The following NELL1 variants were observed in gnomAD, a reference collection of about 807,000 sequenced individuals.
The protein encoded by NELL1 is protein kinase C-binding protein NELL1.
Under a neutral mutation model 107.4 loss-of-function variants are expected in NELL1, and 76 were observed. The ratio of observed to expected loss-of-function variants is 0.71; its 90% CI spans 0.59 to 0.86. The LOEUF is 0.86. Among genes scored for constraint, NELL1 ranks in the 40% least tolerant of loss-of-function variants. The pLI is 0.00. For missense variants in NELL1, 1,024 were observed against 1,005.5 expected, an observed-to-expected ratio of 1.02 and a Z score of -0.25; for synonymous variants, 353 against 341.2, an observed-to-expected ratio of 1.03 and a Z score of -0.38.
chr11:21,035,970 C>T (rs1590567027), intron 12 of NELL1, among the ~76,000 whole-genome samples: 1 of 152,006 alleles, frequency 6.6e-6, no homozygotes, highest in East Asian at 1.9e-4. Context: ...ACTACATGAT[C>T]TTGTAAGTAG....
At chr11:21,367,457 A>C (rs997408705) in intron 14 of NELL1, among the ~76,000 whole-genome samples, 13 of 151,758 alleles carry the variant, frequency 8.6e-5, no homozygotes, top group Admixed American at 7.3e-4. Flanking sequence ...AAGGGCACTA[A>C]GTTAAGGAAG....
chr11:21,332,362 G>C (rs1850290848), intron 14 of NELL1, among the ~76,000 whole-genome samples: 1 of 151,834 alleles, frequency 6.6e-6, no homozygotes, highest in South Asian at 2.1e-4. Flanking sequence ...ATTGTCTCCT[G>C]ATTGCAGCAA....
intron 2 of NELL1, among the ~76,000 whole-genome samples, chr11:20,765,558 T>G (rs1856511937): frequency 6.6e-6 from 1 of 151,962 alleles, no homozygotes; most frequent in African/African-American, 2.4e-5. Context: ...GAAGCCTGAG[T>G]GATGAATGGC....
intron 2 of NELL1, among the ~76,000 whole-genome samples, chr11:20,726,802 T>A (rs906936055): frequency 8.1e-5 from 12 of 148,470 alleles, no homozygotes; most frequent in Non-Finnish European, 1.5e-4. Flanking sequence ...TGTGTCCAAG[T>A]GTTCTCATTG....
At chr11:20,793,573 C>G (rs1857115025) in intron 3 of NELL1, among the ~76,000 whole-genome samples, 1 of 151,962 alleles carries the variant, frequency 6.6e-6, no homozygotes, top group African/African-American at 2.4e-5. Flanking sequence ...GTTCATTTGT[C>G]TTCAGTATTT....
chr11:20,967,522 C>T (rs1201812048), intron 12 of NELL1, among the ~76,000 whole-genome samples: 1 of 152,160 alleles, frequency 6.6e-6, no homozygotes, highest in Non-Finnish European at 1.5e-5. Flanking sequence ...GGTACATCCA[C>T]TTAGTTGCTC....
At chr11:21,146,791 C>T (rs1397817659) in intron 13 of NELL1, among the ~76,000 whole-genome samples, 2 of 139,802 alleles carry the variant, frequency 1.4e-5, no homozygotes, top group Non-Finnish European at 3.2e-5. Context: ...GCCTGTAATC[C>T]CAGCACTTTT....
intron 4 of NELL1, among the ~76,000 whole-genome samples, chr11:20,863,936 T>C (rs1227230417): frequency 6.6e-6 from 1 of 151,982 alleles, no homozygotes; most frequent in Non-Finnish European, 1.5e-5. Flanking sequence ...TGAAACCCCG[T>C]CTCCACCAAA....
chr11:21,226,056 G>A (rs1017558990), intron 13 of NELL1, among the ~76,000 whole-genome samples: 1 of 152,130 alleles, frequency 6.6e-6, no homozygotes, highest in African/African-American at 2.4e-5. Context: ...GCAATCACTT[G>A]TCATATCTTT....
chr11:21,138,727 C>T (rs1855798616), intron 13 of NELL1, among the ~76,000 whole-genome samples: 1 of 152,116 alleles, frequency 6.6e-6, no homozygotes, highest in Admixed American at 6.6e-5. Context: ...AATCAAATAA[C>T]TTGATTGTTC....
intron 14 of NELL1, among the ~76,000 whole-genome samples, chr11:21,293,811 T>C (rs540078170): frequency 2.0e-5 from 3 of 152,196 alleles, no homozygotes; most frequent in African/African-American, 7.2e-5. Context: ...ACCATAATTC[T>C]CAGCAAACTA....
intron 15 of NELL1, among the ~76,000 whole-genome samples, chr11:21,513,781 A>G (rs187035148): frequency 2.0e-5 from 3 of 152,274 alleles, no homozygotes; most frequent in African/African-American, 7.2e-5. Flanking sequence ...TGATGAAGAA[A>G]CTGAGACTGA....
At chr11:21,118,349 A>T (rs1855285479) in intron 13 of NELL1, among the ~76,000 whole-genome samples, 1 of 151,932 alleles carries the variant, frequency 6.6e-6, no homozygotes, top group Non-Finnish European at 1.5e-5. Flanking sequence ...AGATTCAAGG[A>T]CCTTCATTAG....
At chr11:20,941,176 C>T (rs565437119) in intron 10 of NELL1, among the ~76,000 whole-genome samples, 4 of 152,202 alleles carry the variant, frequency 2.6e-5, no homozygotes, top group Admixed American at 2.6e-4. Flanking sequence ...AACCCACCTC[C>T]AACATATCAT....
chr11:20,745,556 C>T (rs966363056), intron 2 of NELL1, among the ~76,000 whole-genome samples: 1 of 152,144 alleles, frequency 6.6e-6, no homozygotes, highest in Non-Finnish European at 1.5e-5. Context: ...ACTAAAAGCA[C>T]ATTAATTTTA....
chr11:21,486,726 T>C (rs1298043401), intron 15 of NELL1, among the ~76,000 whole-genome samples: 1 of 151,798 alleles, frequency 6.6e-6, no homozygotes, highest in Non-Finnish European at 1.5e-5. Flanking sequence ...ACAGAGAATA[T>C]AAAAAACAAT....
chr11:21,059,109 C>T (rs1418682230), intron 12 of NELL1, among the ~76,000 whole-genome samples: 3 of 152,098 alleles, frequency 2.0e-5, no homozygotes, highest in Non-Finnish European at 4.4e-5. Context: ...GCTTATCCTT[C>T]AGGGCTCAGC....
At chr11:21,186,908 T>A (rs1856946704) in intron 13 of NELL1, among the ~76,000 whole-genome samples, 1 of 151,840 alleles carries the variant, frequency 6.6e-6, no homozygotes, top group Admixed American at 6.5e-5. Context: ...GGAATTTAGA[T>A]CCAGGTTGAT....
At chr11:21,182,440 GAA>G (rs201319322) in intron 13 of NELL1, among the ~76,000 whole-genome samples, 13,541 of 111,720 alleles carry the variant, frequency 0.12, 687 homozygotes, top group Non-Finnish European at 0.14. Context: ...GTCTCAAAAA[GAA>G]AAAAAAAAAA....
Sources: gnomAD v4.1 joint callset for allele counts (sites outside exome capture counted in the v4.1 genomes callset) on GRCh38, gnomAD v4.1.1 for gene constraint, MANE v1.5 for transcripts, NCBI Gene and HGNC (gene_info 2026-07-23, HGNC 2026-07-21) for gene names.